The following ZNF445 variants were observed in gnomAD, a reference collection of about 807,000 sequenced individuals.
The protein encoded by ZNF445 is zinc finger protein 445.
ZNF445 carries 19 observed loss-of-function variants against 93.9 expected under a neutral mutation model. The observed-to-expected ratio is 0.20, with a 90% CI of 0.14 to 0.30. The LOEUF is 0.30. ZNF445 is among the 10% of genes least tolerant of loss of function. ZNF445 has a pLI of 1.00. For synonymous variants in ZNF445, 449 were observed against 446.3 expected, an observed-to-expected ratio of 1.01 and a Z score of -0.08; for missense variants, 1,058 against 1,259.4, an observed-to-expected ratio of 0.84 and a Z score of 2.42.
In ZNF445 at chr3:44,451,095, T is replaced by TC. The variant is rs1281860778; in HGVS notation, c.599-134dup. On this transcript the variant is annotated intron_variant, in intron 4 of 7. Coordinates refer to ENST00000396077, the MANE Select transcript of ZNF445 (RefSeq NM_181489.6). ...TGTTGTTAAATACCCATCTCACATG[T>TC]CCTCAGTCTACTGGGGCCAGGAAAG... The TC allele has an allele frequency of 3.0e-6, 3 of 995,034 alleles. No individual in the cohort carries two copies. In the African/African-American group the frequency reaches 4.9e-5, roughly 16 times the overall value. 61.6% of individuals were successfully genotyped at this position (995,034 alleles called of 1,614,324 possible).
rs1237324069 is a variant in ZNF445 at position 44,444,971 on chromosome 3, T to A, written c.*1604A>T. On this transcript the variant is annotated 3_prime_UTR_variant, in exon 8 of 8. Coordinates refer to ENST00000396077, the MANE Select transcript of ZNF445 (RefSeq NM_181489.6). ...TGATTACTCACATGCTTTAGCAATATCACTCCTTTGCCTTTAAGTAATTGA... is the reference window on the plus strand; with the variant it reads ...TGATTACTCACATGCTTTAGCAATAACACTCCTTTGCCTTTAAGTAATTGA... 1 of 152,260 alleles carries A rather than the reference T, an allele frequency of 6.6e-6. No homozygotes were observed. The highest frequency in any genetic ancestry group is 1.9e-4 in the East Asian group (1 of 5,202). The allele number at this position is 152,260 out of a possible 1,614,324, so 9.4% of individuals were successfully genotyped here.
chr3:44,446,862 T>A lies in ZNF445; in HGVS notation c.2809A>T (p.Thr937Ser). ...SPPARSSSQD[T>S]KLRLQKLKPS... ...TTTAGCTTCTGTAATCTCAACTTTG[T>A]GTCCTGAGAGGAAGACCGTGCAGGC... Residue 937 changes from threonine to serine, a missense_variant, in exon 8 of 8, where the codon ACA (threonine) becomes TCA (serine). Thr to Ser is a moderately conservative substitution (Grantham distance 58). This residue lies in a region of ZNF445 where 387 missense variants were observed against 475.7 expected (regional missense o/e 0.81). Transcript: ENST00000396077. This position sits in a 1 kb window ranked among gnomAD's most constrained non-coding sequence, Gnocchi z 4.2. 1 of 1,614,174 alleles carries A rather than the reference T, an allele frequency of 6.2e-7. No individual in the cohort carries two copies. Among genetic ancestry groups the A allele is most frequent in the Non-Finnish European group, 8.5e-7 (1 of 1,180,036 alleles).
chr3:44,473,490 C>CACACACACACAAAAA (rs774842477), intron 1 of ZNF445, among the ~76,000 whole-genome samples: 4 of 56,930 alleles, frequency 7.0e-5, no homozygotes, highest in African/African-American at 1.7e-4. Context: ...CACACACACA[C>CACACACACACAAAAA]AAAAAATGCT....
At chr3:44,459,542 G>T (rs796514972) in intron 1 of ZNF445, among the ~76,000 whole-genome samples, 2 of 152,210 alleles carry the variant, frequency 1.3e-5, no homozygotes, top group African/African-American at 4.8e-5. Flanking sequence ...TGACTAAAAG[G>T]CCAAGAATAG....
chr3:44,464,131 A>G (rs1187039937), intron 1 of ZNF445, among the ~76,000 whole-genome samples: 1 of 151,766 alleles, frequency 6.6e-6, no homozygotes, highest in East Asian at 2.0e-4. Flanking sequence ...ATCTCAAAAA[A>G]CAAACAAACA....
chr3:44,477,240 G>A (rs1698374286), intron 1 of ZNF445, among the ~76,000 whole-genome samples: 1 of 152,216 alleles, frequency 6.6e-6, no homozygotes, highest in South Asian at 2.1e-4. Context: ...ATGTCAGGAG[G>A]CCTGGAGACA....
rs761671348 is a variant in ZNF445, at chr3:44,440,585, A to G, written c.*5990T>C. The G allele has an allele frequency of 6.6e-6, 1 of 152,202 alleles. No individual in the cohort carries two copies. The highest frequency in any genetic ancestry group is 1.5e-5 in the Non-Finnish European group (1 of 68,042). 9.4% of individuals were successfully genotyped at this position (152,202 alleles called of 1,614,324 possible). A position where few individuals can be genotyped will look rare whatever the true frequency, so the allele number is the denominator to read the frequency against. ...CTTAAGCGTTCGTTTACTAATAGCC[A>G]TTTGTATTGCTCCTGTTACCAGAAA... On this transcript the variant is annotated 3_prime_UTR_variant, in exon 8 of 8. Transcript: ENST00000396077.
chr3:44,466,626 T>A (rs1698199015), intron 1 of ZNF445, among the ~76,000 whole-genome samples: 1 of 152,196 alleles, frequency 6.6e-6, no homozygotes, highest in Admixed American at 6.5e-5. Flanking sequence ...AAAATGCTTT[T>A]GTCATCCACG....
rs1227219138 is a variant in ZNF445 at position 44,433,065 on chromosome 3, G to A, written c.*13510C>T. On this transcript the variant is annotated 3_prime_UTR_variant, in exon 8 of 8. Transcript: ENST00000396077. ...GAGACGGGAAACTGAAGTACCACAG[G>A]AAGGAGATACTCTCCATCTCTCACC... 1 of 152,060 alleles carries A rather than the reference G, an allele frequency of 6.6e-6. No individual in the cohort carries two copies. The highest frequency in any genetic ancestry group is 1.9e-4 in the East Asian group (1 of 5,168). The allele number at this position is 152,060 out of a possible 1,614,324, so 9.4% of individuals were successfully genotyped here.
At position 44,437,096 on chromosome 3, in the gene ZNF445, T is replaced by C. The variant is rs1307264722; in HGVS notation, c.*9479A>G. The C allele has an allele frequency of 6.6e-6, 1 of 152,196 alleles. No individual in the cohort carries two copies. Among genetic ancestry groups the C allele is most frequent in the Admixed American group, 6.5e-5 (1 of 15,278 alleles). The allele number at this position is 152,196 out of a possible 1,614,324, so 9.4% of individuals were successfully genotyped here. A position where few individuals can be genotyped will look rare whatever the true frequency, so the allele number is the denominator to read the frequency against. ...TCTATTTTATGGTTTCTTGATGATA[T>C]GCTAAACAAGGGGTGGATTATTCAT... On this transcript the variant is annotated 3_prime_UTR_variant, in exon 8 of 8. Coordinates refer to ENST00000396077, the MANE Select transcript of ZNF445 (RefSeq NM_181489.6).
chr3:44,473,460 C>CACACACACAT (rs1304111436), intron 1 of ZNF445, among the ~76,000 whole-genome samples: 21 of 111,812 alleles, frequency 1.9e-4, no homozygotes, highest in Non-Finnish European at 3.8e-4. Context: ...ACTTCACACA[C>CACACACACAT]ACACACACAC....
At chr3:44,469,889 A>G (rs1190295326) in intron 1 of ZNF445, among the ~76,000 whole-genome samples, 1 of 152,254 alleles carries the variant, frequency 6.6e-6, no homozygotes, top group Non-Finnish European at 1.5e-5. Context: ...TGTTAAACCC[A>G]GCAAAGGTTG....
rs1697614149 is a variant in ZNF445, at chr3:44,433,826, G to C, written c.*12749C>G. On this transcript the variant is annotated 3_prime_UTR_variant, in exon 8 of 8. Coordinates refer to ENST00000396077, the MANE Select transcript of ZNF445 (RefSeq NM_181489.6). ...CGCCTGCTATCTTGCTCTGCTGTCA[G>C]GGTCTTGAAATTCTGAATGGTCTTG... The C allele has an allele frequency of 6.6e-6, 1 of 152,280 alleles. No homozygotes were observed. The highest frequency in any genetic ancestry group is 1.5e-5 in the Non-Finnish European group (1 of 68,122). The allele number at this position is 152,280 out of a possible 1,614,324, so 9.4% of individuals were successfully genotyped here.
chr3:44,470,601 C>T (rs1698255335), intron 1 of ZNF445, among the ~76,000 whole-genome samples: 1 of 152,104 alleles, frequency 6.6e-6, no homozygotes, highest in Admixed American at 6.5e-5. Context: ...AAATGAAAAG[C>T]AAAGCAGTTT....
rs924378390 is a variant in ZNF445 at position 44,438,158 on chromosome 3, AC to A, written c.*8416del. ...TCTCCTCAGTCACATTTTGCACTTC[AC>A]TTTTTTTTTTTTTTAATTGAGACAA... On this transcript the variant is annotated 3_prime_UTR_variant, in exon 8 of 8. Transcript: ENST00000396077. The A allele has an allele frequency of 1.4e-5, 2 of 143,632 alleles. No individual in the cohort carries two copies. Among genetic ancestry groups the A allele is most frequent in the African/African-American group, 5.1e-5 (2 of 38,958 alleles). 8.9% of individuals were successfully genotyped at this position (143,632 alleles called of 1,614,324 possible). A position where few individuals can be genotyped will look rare whatever the true frequency, so the allele number is the denominator to read the frequency against.
chr3:44,470,501 A>AT (rs1458697026), intron 1 of ZNF445, among the ~76,000 whole-genome samples: 4 of 151,950 alleles, frequency 2.6e-5, no homozygotes, highest in Non-Finnish European at 4.4e-5. Flanking sequence ...GCAACTTTAT[A>AT]TTTTTTTTGT....
intron 3 of ZNF445, among the ~76,000 whole-genome samples, chr3:44,453,814 A>C (rs1029375078): frequency 6.6e-6 from 1 of 152,086 alleles, no homozygotes; most frequent in Non-Finnish European, 1.5e-5. Flanking sequence ...TTACCGAACA[A>C]ATTCTCACGA....
intron 1 of ZNF445, among the ~76,000 whole-genome samples, chr3:44,464,128 A>AAAAC (rs549579621): frequency 4.6e-5 from 7 of 151,978 alleles, no homozygotes; most frequent in East Asian, 1.9e-4. Flanking sequence ...TCCATCTCAA[A>AAAAC]AAACAAACAA....
Position 44,460,919 on chromosome 3 carries a change from T to C in ZNF445, c.-268-2555A>G, listed in dbSNP as rs557905485. ...TGGTTCAGTGGCCCCCCTCCAGCGA[T>C]GGATCCAGAAGCCAGCCCAAGCAGC... On this transcript the variant is annotated intron_variant, in intron 1 of 7. Transcript: ENST00000396077. 7.9e-5 allele frequency among the ~76,000 whole-genome samples: 12 copies of C among 152,330 alleles called. No individual in the cohort carries two copies. In the East Asian group the frequency reaches 1.9e-3, roughly 25 times the overall value.
Sources: allele counts gnomAD v4.1 joint callset (sites outside exome capture counted in the v4.1 genomes callset), GRCh38; gene constraint gnomAD v4.1.1; regional missense constraint gnomAD v4.1.1; non-coding constraint Gnocchi (gnomAD v3.1); transcripts MANE v1.5; gene names NCBI Gene and HGNC (gene_info 2026-07-23, HGNC 2026-07-21).